The following LRP2 variants were observed in gnomAD, a reference collection of about 807,000 sequenced individuals.
LRP2 encodes low-density lipoprotein receptor-related protein 2.
In LRP2, 172 loss-of-function variants were observed where a neutral mutation model predicts 531.0. The observed-to-expected ratio is 0.32, with a 90% CI of 0.29 to 0.37. The LOEUF (loss-of-function observed/expected upper bound fraction) is 0.37, where lower values mean the gene tolerates loss of function less well. Among genes scored for constraint, LRP2 ranks in the 10% least tolerant of loss-of-function variants. The probability of loss-of-function intolerance (pLI) is 1.00; values close to 1 mark genes in which losing one functional copy is unlikely to be tolerated. For missense variants in LRP2, 5,167 were observed against 5,868.3 expected (o/e 0.88, Z 3.90); for synonymous variants, 1,992 against 2,027.6 (o/e 0.98, Z 0.47).
intron 3 of LRP2, among the ~76,000 whole-genome samples, chr2:169,308,249 G>T (rs1368913943): frequency 6.6e-6 from 1 of 151,696 alleles, no homozygotes; most frequent in Non-Finnish European, 1.5e-5. Context: ...TTTACTTTAA[G>T]TTCTGGGGTA....
At chr2:169,212,522 TTAAAA>T (rs1383017977) in intron 36 of LRP2, among the ~76,000 whole-genome samples, 3 of 152,188 alleles carry the variant, frequency 2.0e-5, no homozygotes, top group African/African-American at 7.2e-5. Flanking sequence ...GAACTGGCAC[TTAAAA>T]TAATATGTTC....
intron 1 of LRP2, among the ~76,000 whole-genome samples, chr2:169,361,376 CCCTCTCTCTCTCTCTCTCTG>C (rs1559092854): frequency 4.4e-4 from 26 of 59,660 alleles, no homozygotes; most frequent in African/African-American, 2.0e-3. Flanking sequence ...CTCTCTCTCT[CCCTCTCTCTCTCTCTCTCTG>C]TCTCTCTCCT....
At position 169,206,983 on chromosome 2, in the gene LRP2, C is replaced by T; in HGVS notation, c.6737G>A (p.Gly2246Asp). 2 of 1,614,212 alleles carry T rather than the reference C, an allele frequency of 1.2e-6. No individual in the cohort carries two copies. The highest frequency in any genetic ancestry group is 1.7e-6 in the Non-Finnish European group (2 of 1,180,042). Residue 2246 changes from glycine (G) to aspartate (D), a missense_variant, in exon 39 of 79, where the codon GGC (glycine) becomes GAC (aspartate). This residue lies in a region of LRP2 where 2,811 missense variants were observed against 3,058.0 expected (regional missense o/e 0.92). Transcript: ENST00000649046. ...PRGLAVDRSD[G>D]YVYWVDDSLD... The stretch of plus-strand genomic sequence containing the variant: ...AGAATCATCAACCCAATAAACGTAG[C>T]CATCACTTCGGTCCACTGCCAAGCC...
rs1450379529 is a variant in LRP2, at chr2:169,246,942, T to C, written c.2953A>G (p.Ser985Gly). The C allele has an allele frequency of 9.9e-6, 16 of 1,614,218 alleles. No individual in the cohort carries two copies. The highest frequency in any genetic ancestry group is 1.3e-5 in the African/African-American group (1 of 75,054). ...NQPTHPNGDC[S>G]HFCFPVPNFQ... ...TTTGGCACCGGGAAGCAGAAGTGGCTGCAGTCACCGTTAGGATGCGTGGGT... is the reference window on the plus strand; with the variant it reads ...TTTGGCACCGGGAAGCAGAAGTGGCCGCAGTCACCGTTAGGATGCGTGGGT... Residue 985 changes from serine (S) to glycine (G), a missense_variant, in exon 21 of 79, where the codon AGC becomes GGC. Physicochemically the swap from Ser to Gly is moderately conservative, Grantham distance 56. Coordinates refer to ENST00000649046, the MANE Select transcript of LRP2 (RefSeq NM_004525.3).
At chr2:169,330,019 G>A (rs754375327) in intron 1 of LRP2, among the ~76,000 whole-genome samples, 1 of 152,230 alleles carries the variant, frequency 6.6e-6, no homozygotes, top group Non-Finnish European at 1.5e-5. Context: ...TCTAGGTTGT[G>A]CATTCCTTAT....
At chr2:169,139,979 C>T (rs1159680929) in intron 72 of LRP2, among the ~76,000 whole-genome samples, 1 of 152,176 alleles carries the variant, frequency 6.6e-6, no homozygotes, top group Non-Finnish European at 1.5e-5. Context: ...TTATCTTGCT[C>T]CATGTTAGAG....
chr2:169,229,211 AG>A (rs1689312066), intron 31 of LRP2, among the ~76,000 whole-genome samples: 1 of 152,202 alleles, frequency 6.6e-6, no homozygotes, highest in East Asian at 1.9e-4. Flanking sequence ...GTGACGGTTA[AG>A]TAGGTCAGTG....
At chr2:169,257,385 A>G (rs762651587) in intron 17 of LRP2, 136 bp from the exon 18 acceptor site, 19 of 860,228 alleles carry the variant, frequency 2.2e-5, no homozygotes, top group Non-Finnish European at 3.6e-5. Flanking sequence ...AACTTAACAT[A>G]CTTAGTGTAT....
chr2:169,308,534 C>T (rs571099555), intron 3 of LRP2, among the ~76,000 whole-genome samples: 2 of 152,250 alleles, frequency 1.3e-5, no homozygotes, highest in African/African-American at 4.8e-5. Context: ...CATCCATGTC[C>T]CTACAAAGGA....
intron 63 of LRP2, among the ~76,000 whole-genome samples, chr2:169,159,192 A>C (rs535846152): frequency 6.6e-6 from 1 of 152,188 alleles, no homozygotes; most frequent in African/African-American, 2.4e-5. Flanking sequence ...CTACCTCTCA[A>C]ATAAAAAGTC....
intron 52 of LRP2, among the ~76,000 whole-genome samples, chr2:169,180,798 C>T (rs1195058254): frequency 6.6e-6 from 1 of 152,200 alleles, no homozygotes; most frequent in Admixed American, 6.5e-5. Context: ...TATGGTCCAA[C>T]TAGGCCATAA....
intron 1 of LRP2, among the ~76,000 whole-genome samples, chr2:169,348,450 T>G (rs1402187573): frequency 6.6e-6 from 1 of 152,150 alleles, no homozygotes; most frequent in Non-Finnish European, 1.5e-5. Context: ...ACTTGACATG[T>G]GATGTTCTTT....
chr2:169,135,395 T>A (rs1685464661), intron 76 of LRP2, among the ~76,000 whole-genome samples: 1 of 152,208 alleles, frequency 6.6e-6, no homozygotes, highest in African/African-American at 2.4e-5. Flanking sequence ...GAAGAGGCCT[T>A]TCCCACAGGG....
chr2:169,230,244 T>C (rs1258548949), intron 31 of LRP2, among the ~76,000 whole-genome samples: 1 of 152,248 alleles, frequency 6.6e-6, no homozygotes, highest in African/African-American at 2.4e-5. Context: ...CAGTTTAATC[T>C]TCTCCTGAAA....
chr2:169,312,822 C>T (rs994418876), intron 3 of LRP2, among the ~76,000 whole-genome samples: 30 of 152,158 alleles, frequency 2.0e-4, no homozygotes, highest in Non-Finnish European at 3.2e-4. Context: ...CCATTCTCCC[C>T]GTCACTTTCA....
intron 1 of LRP2, among the ~76,000 whole-genome samples, chr2:169,337,886 C>G (rs958184846): frequency 2.0e-5 from 3 of 152,128 alleles, no homozygotes; most frequent in Non-Finnish European, 4.4e-5. Flanking sequence ...GCAGGAGGAT[C>G]GCTTGAGCCC....
intron 19 of LRP2, 65 bp from the exon 20 acceptor site, chr2:169,247,580 G>A: frequency 1.3e-6 from 2 of 1,556,440 alleles, no homozygotes; most frequent in Non-Finnish European, 1.8e-6. Flanking sequence ...AATCACTTGA[G>A]AAAATGCAAT....
At chr2:169,148,908 C>T (rs61599247) in intron 68 of LRP2, among the ~76,000 whole-genome samples, 2,604 of 152,284 alleles carry the variant, frequency 0.017, 67 homozygotes, top group African/African-American at 0.059. Flanking sequence ...ATTGACCTCA[C>T]ATGTCACATA....
At chr2:169,131,451 A>G (rs1207627703) in intron 77 of LRP2, among the ~76,000 whole-genome samples, 1 of 152,218 alleles carries the variant, frequency 6.6e-6, no homozygotes, top group African/African-American at 2.4e-5. Flanking sequence ...CAAGATATCA[A>G]TGTTTATAGA....
Sources: allele counts gnomAD v4.1 joint callset (sites outside exome capture counted in the v4.1 genomes callset), GRCh38; gene constraint gnomAD v4.1.1; regional missense constraint gnomAD v4.1.1; transcripts MANE v1.5; gene names NCBI Gene and HGNC (gene_info 2026-07-23, HGNC 2026-07-21).